PTCSC3: variants seen among roughly 807,000 people sequenced by gnomAD.
PTCSC3 encodes the protein papillary thyroid carcinoma susceptibility candidate 3 (non-protein coding).
At chr14:36,140,114 T>A (rs1269034815) in intron 3 of PTCSC3, among the ~76,000 whole-genome samples, 1 of 152,250 alleles carries the variant, frequency 6.6e-6, no homozygotes, top group Non-Finnish European at 1.5e-5. Context: ...CTGGAATCTT[T>A]CACTTTGCAA....
intron 1 of PTCSC3, among the ~76,000 whole-genome samples, chr14:36,169,068 A>G (rs1265465723): frequency 6.6e-6 from 1 of 152,208 alleles, no homozygotes; most frequent in Non-Finnish European, 1.5e-5. Context: ...CATTAAAAAA[A>G]AACTCTCTTA....
downstream of PTCSC3, among the ~76,000 whole-genome samples, chr14:36,135,931 A>C (rs538607235): frequency 9.9e-4 from 149 of 150,594 alleles, no homozygotes; most frequent in African/African-American, 3.6e-3. Flanking sequence ...GTGTGTGTGT[A>C]TATATATATA....
In PTCSC3 at chr14:36,148,526, G is replaced by A. The variant is rs151190133; in HGVS notation, n.322+5278C>T. On this transcript the variant is annotated intron_variant and non_coding_transcript_variant, in intron 3 of 3. Transcript: ENST00000556013. Reference sequence around the variant, plus strand: ...AATGCCTCGCCCTGCTTCGGCTAGCGTGCAGTGTGTGCACCCACTGACCTG... The same window carrying A: ...AATGCCTCGCCCTGCTTCGGCTAGCATGCAGTGTGTGCACCCACTGACCTG... 2.0e-3 allele frequency among the ~76,000 whole-genome samples: 298 copies of A among 152,302 alleles called. 1 individual carries two copies. Among genetic ancestry groups the A allele is most frequent in the African/African-American group, 5.6e-3 (235 of 41,594 alleles).
intron 3 of PTCSC3, among the ~76,000 whole-genome samples, chr14:36,146,388 G>A (rs1254261892): frequency 2.0e-5 from 3 of 150,718 alleles, no homozygotes; most frequent in African/African-American, 7.3e-5. Flanking sequence ...AGCTCTTCTT[G>A]TTGAATTGAT....
intron 1 of PTCSC3, among the ~76,000 whole-genome samples, chr14:36,163,091 G>GAA (rs34215649): frequency 5.0e-4 from 75 of 149,280 alleles, no homozygotes; most frequent in East Asian, 2.0e-3. Flanking sequence ...TAAATTAAGT[G>GAA]AAAAAAAAAA....
chr14:36,161,811 A>G (rs939346728), intron 2 of PTCSC3, among the ~76,000 whole-genome samples: 1 of 152,160 alleles, frequency 6.6e-6, no homozygotes, highest in African/African-American at 2.4e-5. Context: ...AGTCTGCTGA[A>G]GTTGCACCCG....
intron 3 of PTCSC3, among the ~76,000 whole-genome samples, chr14:36,138,690 T>C (rs554864198): frequency 1.1e-4 from 16 of 152,362 alleles, no homozygotes; most frequent in African/African-American, 3.8e-4. Context: ...TTGGTGAGAA[T>C]ATGGAATTCT....
chr14:36,166,941 A>T (rs1349914650), intron 1 of PTCSC3, among the ~76,000 whole-genome samples: 2 of 152,222 alleles, frequency 1.3e-5, no homozygotes, highest in Non-Finnish European at 2.9e-5. Context: ...TCTGAACTTT[A>T]TAGCGACCAA....
chr14:36,136,874 A>G (rs1489385479), intron 3 of PTCSC3, among the ~76,000 whole-genome samples: 1 of 152,174 alleles, frequency 6.6e-6, no homozygotes, highest in Admixed American at 6.5e-5. Context: ...GAATGGCTAG[A>G]AGTTTTTCAT....
At chr14:36,168,471 C>G (rs1882137396) in intron 1 of PTCSC3, among the ~76,000 whole-genome samples, 1 of 149,656 alleles carries the variant, frequency 6.7e-6, no homozygotes, top group Admixed American at 6.7e-5. Context: ...ATCCTTCCAG[C>G]TAGTTAAGGT....
intron 2 of PTCSC3, among the ~76,000 whole-genome samples, chr14:36,156,806 T>A (rs1881838377): frequency 6.6e-6 from 1 of 152,216 alleles, no homozygotes; most frequent in Admixed American, 6.5e-5. Flanking sequence ...CTTTATCCAG[T>A]CTATCATTGA....
Position 36,169,213 on chromosome 14 carries a change from A to G in PTCSC3, n.172-6530T>C, listed in dbSNP as rs189001783. ...CTGTGGGACAAACATACTGCCTTAAATTTTTTTTTAAATTTTTAAATCTAT... is the reference window on the plus strand; with the variant it reads ...CTGTGGGACAAACATACTGCCTTAAGTTTTTTTTTAAATTTTTAAATCTAT... On this transcript the variant is annotated intron_variant and non_coding_transcript_variant, in intron 1 of 3. Coordinates refer to ENST00000556013, the Ensembl canonical transcript of PTCSC3. Among the ~76,000 whole-genome samples, 92 of 151,896 alleles carry G rather than the reference A, an allele frequency of 6.1e-4. 1 individual carries two copies. The highest frequency in any genetic ancestry group is 3.4e-3 in the Middle Eastern group (1 of 294).
downstream of PTCSC3, among the ~76,000 whole-genome samples, chr14:36,135,899 ATGTG>A (rs139313919): frequency 1.7e-4 from 25 of 149,438 alleles, no homozygotes; most frequent in Non-Finnish European, 2.1e-4. Flanking sequence ...GTATATATAT[ATGTG>A]TGTGTGTGTG....
At position 36,164,189 on chromosome 14, in the gene PTCSC3, A is replaced by G. The variant is rs1444452987; in HGVS notation, n.172-1506T>C. The G allele has an allele frequency of 2.6e-5, 4 of 152,234 alleles. No homozygotes were observed. The East Asian group carries it at 7.7e-4, about 29-fold the overall frequency. 9.4% of individuals were successfully genotyped at this position (152,234 alleles called of 1,614,324 possible). On this transcript the variant is annotated intron_variant and non_coding_transcript_variant, in intron 1 of 3. Coordinates refer to ENST00000556013, the Ensembl canonical transcript of PTCSC3. The stretch of plus-strand genomic sequence containing the variant: ...TGAAGACTGAAATATTCGGGAAACT[A>G]TGACAGGAACAATTTGCTACGGACA...
intron 3 of PTCSC3, among the ~76,000 whole-genome samples, chr14:36,137,700 A>T (rs1436922713): frequency 6.6e-6 from 1 of 152,250 alleles, no homozygotes; most frequent in Non-Finnish European, 1.5e-5. Flanking sequence ...ATGGAGATGG[A>T]GCAACTATAA....
At chr14:36,143,667 A>T (rs1407500713) in intron 3 of PTCSC3, among the ~76,000 whole-genome samples, 19 of 148,186 alleles carry the variant, frequency 1.3e-4, no homozygotes, top group South Asian at 2.2e-4. Context: ...GTTTAATTAG[A>T]TCCCATTTGT....
downstream of PTCSC3, among the ~76,000 whole-genome samples, chr14:36,135,875 A>ATGTGTG (rs536336304): frequency 9.5e-5 from 8 of 84,268 alleles, no homozygotes; most frequent in African/African-American, 2.5e-4. Flanking sequence ...ATATATATAT[A>ATGTGTG]TGTGTGTGTG....
intron 3 of PTCSC3, among the ~76,000 whole-genome samples, chr14:36,148,636 C>G (rs569478157): frequency 1.2e-4 from 19 of 152,334 alleles, no homozygotes; most frequent in African/African-American, 4.3e-4. Flanking sequence ...GCCTTGCTCA[C>G]GCTGGTAGCT....
At chr14:36,174,253 T>C (rs907094074) in intron 1 of PTCSC3, among the ~76,000 whole-genome samples, 2 of 152,146 alleles carry the variant, frequency 1.3e-5, no homozygotes, top group Non-Finnish European at 2.9e-5. Context: ...CTTGAAACTC[T>C]GCTTATTTTT....
Sources: gnomAD v4.1 joint callset for allele counts (sites outside exome capture counted in the v4.1 genomes callset) on GRCh38, gnomAD v4.1.1 for gene constraint, MANE v1.5 for transcripts, NCBI Gene and HGNC (gene_info 2026-07-23, HGNC 2026-07-21) for gene names.